Variants in LYST observed in about 807,000 individuals in gnomAD.
LYST encodes the protein lysosomal trafficking regulator.
A neutral mutation model predicts 413.6 loss-of-function variants in LYST; 192 were observed. The ratio of observed to expected loss-of-function variants is 0.46; its 90% confidence interval spans 0.41 to 0.52. The LOEUF (loss-of-function observed/expected upper bound fraction) is 0.52, where lower values mean the gene tolerates loss of function less well. LYST is among the 20% of genes least tolerant of loss of function. The pLI, the probability that LYST is intolerant of heterozygous loss-of-function variation, is 0.00. For synonymous variants in LYST, 1,525 were observed against 1,567.3 expected, an observed-to-expected ratio of 0.97 and a Z score of 0.64; for missense variants, 3,815 against 4,499.9, an observed-to-expected ratio of 0.85 and a Z score of 4.35.
At chr1:235,772,638 A>G (rs990696770) in intron 19 of LYST, among the ~76,000 whole-genome samples, 1 of 152,160 alleles carries the variant, frequency 6.6e-6, no homozygotes, top group Admixed American at 6.5e-5. Context: ...AGATCAATCT[A>G]TGTTGCTTAA....
At chr1:235,705,740 GATT>G (rs71782951) in intron 44 of LYST, among the ~76,000 whole-genome samples, 6,640 of 151,768 alleles carry the variant, frequency 0.044, 495 homozygotes, top group African/African-American at 0.15. Flanking sequence ...GATGGTTCAG[GATT>G]ATAAACAAAA....
intron 27 of LYST, among the ~76,000 whole-genome samples, 187 bp from the exon 28 acceptor site, chr1:235,751,549 G>T (rs1666497805): frequency 6.6e-6 from 1 of 151,994 alleles, no homozygotes; most frequent in Non-Finnish European, 1.5e-5. Context: ...TTTACAAATG[G>T]TCACTAAAAA....
intron 31 of LYST, among the ~76,000 whole-genome samples, chr1:235,739,322 C>T (rs978902130): frequency 3.9e-5 from 6 of 152,054 alleles, no homozygotes; most frequent in Admixed American, 3.9e-4. Flanking sequence ...TGCAGTTGGC[C>T]CTTGAGCCAG....
rs35511208 is a variant in LYST, at chr1:235,802,193, C to CAA, written c.3712+713_3712+714dup. ...TGGGCGACAGAGCAAGACTCCATTT[C>CAA]AAAAAAAAAAAAAAAAAAAAAAAAA... On this transcript the variant is annotated intron_variant, in intron 8 of 52. Transcript: ENST00000389793. Among the ~76,000 whole-genome samples, 403 of 45,046 alleles carry CAA rather than the reference C, an allele frequency of 8.9e-3. 42 individuals are homozygous for CAA. The highest frequency in any genetic ancestry group is 0.021 in the African/African-American group (263 of 12,566). The allele number at this position is 45,046 out of a possible 152,430, so 29.6% of individuals were successfully genotyped here. A position where few individuals can be genotyped will look rare whatever the true frequency, so the allele number is the denominator to read the frequency against.
chr1:235,666,643 A>G (rs1218135208), intron 50 of LYST, among the ~76,000 whole-genome samples: 3 of 130,978 alleles, frequency 2.3e-5, no homozygotes, highest in Non-Finnish European at 5.2e-5. Context: ...CACATGCCCA[A>G]TGTTCTACTA....
At chr1:235,688,058 G>A (rs575709136) in intron 47 of LYST, among the ~76,000 whole-genome samples, 3 of 152,000 alleles carry the variant, frequency 2.0e-5, no homozygotes, top group Non-Finnish European at 4.4e-5. Context: ...TTTCTTTCTT[G>A]AGTAGTTCTA....
intron 45 of LYST, among the ~76,000 whole-genome samples, chr1:235,698,548 TC>T (rs1661278391): frequency 6.6e-6 from 1 of 152,126 alleles, no homozygotes; most frequent in African/African-American, 2.4e-5. Flanking sequence ...TTTTTGTGGC[TC>T]CCCTGTGGGA....
intron 28 of LYST, among the ~76,000 whole-genome samples, chr1:235,748,371 T>C (rs1666129765): frequency 6.6e-6 from 1 of 152,136 alleles, no homozygotes; most frequent in African/African-American, 2.4e-5. Flanking sequence ...ACCTTATTTA[T>C]AATAGCAAAA....
chr1:235,862,553 T>C (rs1679995356), intron 1 of LYST, among the ~76,000 whole-genome samples: 1 of 152,062 alleles, frequency 6.6e-6, no homozygotes, highest in African/African-American at 2.4e-5. Context: ...CCCAGCACTT[T>C]GGGAGGCCAA....
intron 28 of LYST, among the ~76,000 whole-genome samples, chr1:235,748,211 G>C (rs181033914): frequency 6.6e-6 from 1 of 152,074 alleles, no homozygotes; most frequent in Non-Finnish European, 1.5e-5. Context: ...GTGTATGTGC[G>C]AGTGCATGGC....
Position 235,689,128 on chromosome 1 carries a change from T to C in LYST, c.10702-2081A>G, listed in dbSNP as rs367617394. Among the ~76,000 whole-genome samples, 19 of 151,900 alleles carry C rather than the reference T, an allele frequency of 1.3e-4. 1 individual carries two copies. In the East Asian group the frequency reaches 1.9e-3, roughly 15 times the overall value. ...ATATCTTTAGAAATGTATCTCTAGA[T>C]GAAAATGCAATATAGTATTCTCATC... On this transcript the variant is annotated intron_variant, in intron 47 of 52. Transcript: ENST00000389793.
At chr1:235,670,860 T>C (rs1343871881) in intron 50 of LYST, among the ~76,000 whole-genome samples, 2 of 151,930 alleles carry the variant, frequency 1.3e-5, no homozygotes. Flanking sequence ...CCCCATACAG[T>C]CAGGAAACTC....
chr1:235,668,766 CTT>C (rs1012863115), intron 50 of LYST, among the ~76,000 whole-genome samples: 1 of 152,164 alleles, frequency 6.6e-6, no homozygotes, highest in African/African-American at 2.4e-5. Flanking sequence ...CAGTATTCCT[CTT>C]GATATGACAC....
chr1:235,741,230 G>T (rs1572117812), intron 31 of LYST, among the ~76,000 whole-genome samples, 192 bp downstream of exon 31: 1 of 152,080 alleles, frequency 6.6e-6, no homozygotes, highest in African/African-American at 2.4e-5. Context: ...AAAAAGATTG[G>T]GAAATAAACA....
At chr1:235,861,372 T>A (rs1679851881) in intron 1 of LYST, among the ~76,000 whole-genome samples, 1 of 152,210 alleles carries the variant, frequency 6.6e-6, no homozygotes, top group African/African-American at 2.4e-5. Flanking sequence ...CTTCAACATT[T>A]CCAAACGTAT....
intron 37 of LYST, among the ~76,000 whole-genome samples, chr1:235,729,317 T>C (rs1326872319): frequency 6.6e-6 from 1 of 152,188 alleles, no homozygotes; most frequent in Non-Finnish European, 1.5e-5. Flanking sequence ...TAAATTGGCA[T>C]ATAATAAAAG....
intron 34 of LYST, among the ~76,000 whole-genome samples, chr1:235,731,705 CCCA>C (rs1420956753): frequency 6.6e-6 from 1 of 151,556 alleles, no homozygotes; most frequent in Admixed American, 6.6e-5. Flanking sequence ...ATTACAGGCT[CCCA>C]CCACACCTGG....
Position 235,781,949 on chromosome 1 carries a change from C to A in LYST, c.5001G>T (p.Leu1667=). The change falls in exon 15 of 53, where the codon CTG becomes CTT. Residue 1667 remains leucine (L), a synonymous_variant. Transcript: ENST00000389793. ...EFLQLAGKWD[L]GNLLLFNGAK... is the part of the protein sequence containing the mutation. Reference sequence around the variant, plus strand: ...CACCGTTGAAGAGAAGCAAATTTCCCAGGTCCCATTTTCCAGCCAACTGCA... The same window carrying A: ...CACCGTTGAAGAGAAGCAAATTTCCAAGGTCCCATTTTCCAGCCAACTGCA... The A allele has an allele frequency of 1.2e-6, 2 of 1,613,296 alleles. No homozygotes were observed. The highest frequency in any genetic ancestry group is 1.7e-6 in the Non-Finnish European group (2 of 1,179,340).
intron 16 of LYST, among the ~76,000 whole-genome samples, chr1:235,780,626 A>T (rs999147904): frequency 2.0e-5 from 3 of 152,162 alleles, no homozygotes; most frequent in South Asian, 4.2e-4. Flanking sequence ...CTAAACTGAT[A>T]AACTTTTTAT....
Sources: gnomAD v4.1 joint callset for allele counts (sites outside exome capture counted in the v4.1 genomes callset) on GRCh38, gnomAD v4.1.1 for gene constraint, MANE v1.5 for transcripts, NCBI Gene and HGNC (gene_info 2026-07-23, HGNC 2026-07-21) for gene names.